Variants in S100Z observed in about 807,000 individuals in gnomAD.
S100Z encodes the protein S100 calcium binding protein Z, also known as protein S100-Z.
In S100Z, 11 loss-of-function variants were observed where a neutral mutation model predicts 8.5. The observed-to-expected ratio is 1.30, with a 90% CI of 0.82 to 2.15. The LOEUF (loss-of-function observed/expected upper bound fraction) is 2.15, where lower values mean the gene tolerates loss of function less well. S100Z is among the 30% of genes most tolerant of loss of function. The pLI is 0.00. For synonymous variants in S100Z, 34 were observed against 43.8 expected, an observed-to-expected ratio of 0.78 and a Z score of 0.89; for missense variants, 126 against 117.9, an observed-to-expected ratio of 1.07 and a Z score of -0.32.
chr5:76,863,683 C>CG (rs1480185594), intron 1 of S100Z, among the ~76,000 whole-genome samples: 1 of 151,766 alleles, frequency 6.6e-6, no homozygotes, highest in Non-Finnish European at 1.5e-5. Flanking sequence ...GGACTACAGG[C>CG]ACCCGCCACC....
the S100Z span, among the ~76,000 whole-genome samples, chr5:76,944,902 A>G: frequency 6.6e-6 from 1 of 152,222 alleles, no homozygotes; most frequent in Admixed American, 6.5e-5. Flanking sequence ...GCATTTCATT[A>G]TGATCTACTG....
chr5:76,917,765 G>C (rs1299549963), intron 4 of S100Z, among the ~76,000 whole-genome samples: 1 of 146,230 alleles, frequency 6.8e-6, no homozygotes, highest in African/African-American at 2.6e-5. Flanking sequence ...GGAGGTTGCA[G>C]TAAACCGAGA....
intron 4 of S100Z, among the ~76,000 whole-genome samples, chr5:76,914,089 G>A (rs1289887122): frequency 1.3e-5 from 2 of 152,226 alleles, no homozygotes; most frequent in African/African-American, 2.4e-5. Context: ...AACTTCTACC[G>A]AGGACCCCTG....
chr5:76,903,498 T>G (rs564731887), intron 4 of S100Z, among the ~76,000 whole-genome samples: 40 of 152,326 alleles, frequency 2.6e-4, no homozygotes, highest in Middle Eastern at 3.4e-3. Flanking sequence ...GTTGACTGAA[T>G]AAATCTGCTA....
At chr5:76,932,717 C>T in the S100Z span, among the ~76,000 whole-genome samples, 1 of 152,206 alleles carries the variant, frequency 6.6e-6, no homozygotes, top group East Asian at 1.9e-4. Flanking sequence ...GACCCCTTCC[C>T]ATCCACAGAT....
intron 4 of S100Z, among the ~76,000 whole-genome samples, chr5:76,905,348 AT>A (rs1180697911): frequency 2.0e-5 from 3 of 151,040 alleles, no homozygotes; most frequent in Non-Finnish European, 4.4e-5. Flanking sequence ...TTTCTTGAAA[AT>A]TTTTTTACAA....
chr5:76,939,269 C>T, the S100Z span, among the ~76,000 whole-genome samples: 2 of 151,870 alleles, frequency 1.3e-5, no homozygotes, highest in African/African-American at 4.8e-5. Context: ...TCTCCTGCCT[C>T]AGCCTCCCGA....
chr5:76,868,517 A>T (rs904089976), intron 1 of S100Z, among the ~76,000 whole-genome samples: 1 of 150,344 alleles, frequency 6.7e-6, no homozygotes. Flanking sequence ...TATAAATATA[A>T]TACTGTTGAG....
At chr5:76,924,991 T>C (rs1189985802), downstream of S100Z, among the ~76,000 whole-genome samples, 3 of 152,154 alleles carry the variant, frequency 2.0e-5, no homozygotes. Context: ...TGGTGAGTTC[T>C]GGCTCATGGG....
intron 1 of S100Z, among the ~76,000 whole-genome samples, chr5:76,860,147 A>C (rs1751014147): frequency 6.6e-6 from 1 of 152,160 alleles, no homozygotes; most frequent in South Asian, 2.1e-4. Flanking sequence ...TGAGAGCTTC[A>C]GGTGAATCTT....
chr5:76,886,539 G>A (rs981263454), intron 4 of S100Z, among the ~76,000 whole-genome samples: 2 of 152,138 alleles, frequency 1.3e-5, no homozygotes, highest in African/African-American at 4.8e-5. Flanking sequence ...CAAGAACAGG[G>A]GACTGGTCTC....
At chr5:76,857,563 G>T (rs1260028551) in intron 1 of S100Z, among the ~76,000 whole-genome samples, 3 of 147,922 alleles carry the variant, frequency 2.0e-5, no homozygotes, top group Non-Finnish European at 4.4e-5. Context: ...GCAGTGATGA[G>T]ATCTTAGCTC....
intron 2 of S100Z, among the ~76,000 whole-genome samples, chr5:76,873,714 G>T (rs1743087248): frequency 6.6e-6 from 1 of 152,124 alleles, no homozygotes; most frequent in South Asian, 2.1e-4. Flanking sequence ...GATGGTTGAG[G>T]TTACATACTG....
At chr5:76,886,685 G>C (rs1743650119) in intron 4 of S100Z, among the ~76,000 whole-genome samples, 1 of 152,202 alleles carries the variant, frequency 6.6e-6, no homozygotes, top group Non-Finnish European at 1.5e-5. Flanking sequence ...AGTCCAAAAA[G>C]AGAGTCAGCA....
intron 4 of S100Z, among the ~76,000 whole-genome samples, chr5:76,919,650 C>T (rs1224888687): frequency 6.8e-6 from 1 of 146,940 alleles, no homozygotes; most frequent in African/African-American, 2.5e-5. Context: ...CTCATTTTGT[C>T]ACCCAGGCTG....
intron 4 of S100Z, among the ~76,000 whole-genome samples, chr5:76,888,163 A>G (rs1419304243): frequency 6.6e-6 from 1 of 151,358 alleles, no homozygotes; most frequent in Non-Finnish European, 1.5e-5. Flanking sequence ...AGGCTGAGGC[A>G]GGAGAATCGC....
chr5:76,880,471 G>A (rs190578783), intron 4 of S100Z, among the ~76,000 whole-genome samples: 13 of 152,308 alleles, frequency 8.5e-5, no homozygotes, highest in East Asian at 5.8e-4. Context: ...TAGGGGTGAC[G>A]TGGGAACCTA....
At chr5:76,878,695 C>G (rs1392337485) in intron 4 of S100Z, among the ~76,000 whole-genome samples, 1 of 152,168 alleles carries the variant, frequency 6.6e-6, no homozygotes, top group Non-Finnish European at 1.5e-5. Flanking sequence ...ATTACCCTAA[C>G]TACTGTGTAA....
the S100Z span, among the ~76,000 whole-genome samples, chr5:76,943,376 C>T: frequency 6.6e-6 from 1 of 152,154 alleles, no homozygotes; most frequent in Non-Finnish European, 1.5e-5. Context: ...AGGCTGAAGG[C>T]ATTTTGCTTT....
Sources: allele counts gnomAD v4.1 joint callset (sites outside exome capture counted in the v4.1 genomes callset), GRCh38; gene constraint gnomAD v4.1.1; transcripts MANE v1.5; gene names NCBI Gene and HGNC (gene_info 2026-07-23, HGNC 2026-07-21).